The following GATAD2A variants were observed in gnomAD, a reference collection of about 807,000 sequenced individuals.
GATAD2A encodes GATA zinc finger domain containing 2A.
A neutral mutation model predicts 68.5 loss-of-function variants in GATAD2A; 12 were observed. The observed-to-expected ratio is 0.18, with a 90% CI of 0.11 to 0.28. The LOEUF is 0.28. GATAD2A is among the 10% of genes least tolerant of loss of function. The pLI is 1.00. For missense variants in GATAD2A, 755 were observed against 868.5 expected (o/e 0.87, Z 1.64); for synonymous variants, 410 against 375.3 (o/e 1.09, Z -1.07).
At position 19,437,948 on chromosome 19, in the gene GATAD2A, A is replaced by G. The variant is rs150835351; in HGVS notation, c.-6-27392A>G. Among the ~76,000 whole-genome samples, 101 of 152,314 alleles carry G rather than the reference A, an allele frequency of 6.6e-4. 1 individual carries two copies. Among genetic ancestry groups the G allele is most frequent in the African/African-American group, 2.3e-3 (95 of 41,562 alleles). On this transcript the variant is annotated intron_variant, in intron 1 of 11. Coordinates refer to ENST00000683918, the MANE Select transcript of GATAD2A (RefSeq NM_001384528.1). Reference sequence around the variant, plus strand: ...CTTCTTAGTATATACTTAGGGGTGCAGTTACTGGATCATATGGTAACTTTC... The same window carrying G: ...CTTCTTAGTATATACTTAGGGGTGCGGTTACTGGATCATATGGTAACTTTC...
chr19:19,464,888 GC>G (rs1383187062), intron 1 of GATAD2A: 4 of 233,784 alleles, frequency 1.7e-5, no homozygotes, highest in Non-Finnish European at 3.4e-5. Flanking sequence ...CTAGTCCCAG[GC>G]CCCGACCCTG....
At chr19:19,406,258 C>T (rs1320367010) in intron 1 of GATAD2A, among the ~76,000 whole-genome samples, 5 of 138,512 alleles carry the variant, frequency 3.6e-5, no homozygotes, top group Non-Finnish European at 6.2e-5. Context: ...GCGGGGGTCC[C>T]GGAAAGTCGC....
At position 19,451,337 on chromosome 19, in the gene GATAD2A, C is replaced by T. The variant is rs535726332; in HGVS notation, c.-6-14003C>T. ...CGGATATTGCAGTGAGCCGAGATCA[C>T]GCCACTGCACTCCAGCTGGATGACA... is the stretch of plus-strand genomic sequence containing the variant. On this transcript the variant is annotated intron_variant, in intron 1 of 11. Coordinates refer to ENST00000683918, the MANE Select transcript of GATAD2A (RefSeq NM_001384528.1). Among the ~76,000 whole-genome samples, 26 of 152,216 alleles carry T rather than the reference C, an allele frequency of 1.7e-4. No individual in the cohort carries two copies. The East Asian group carries it at 3.9e-3, about 23-fold the overall frequency.
At chr19:19,456,310 A>G (rs1176844368) in intron 1 of GATAD2A, among the ~76,000 whole-genome samples, 1 of 152,138 alleles carries the variant, frequency 6.6e-6, no homozygotes, top group Non-Finnish European at 1.5e-5. Context: ...GGGGTCCCGC[A>G]TGTTATGGGC....
intron 1 of GATAD2A, among the ~76,000 whole-genome samples, chr19:19,456,645 C>G (rs879278547): frequency 6.6e-6 from 1 of 152,224 alleles, no homozygotes; most frequent in Non-Finnish European, 1.5e-5. Flanking sequence ...TACAGCAGAA[C>G]TTAACCATAC....
At chr19:19,387,837 C>A (rs1179315842) in intron 1 of GATAD2A, among the ~76,000 whole-genome samples, 1 of 152,154 alleles carries the variant, frequency 6.6e-6, no homozygotes, top group African/African-American at 2.4e-5. Context: ...AGATATCCCA[C>A]TCCTGTAGGC....
At position 19,495,794 on chromosome 19, in the gene GATAD2A, C is replaced by T; in HGVS notation, c.665C>T (p.Pro222Leu). Residue 222 changes from proline to leucine, a missense_variant, in exon 6 of 12, where the codon CCC becomes CTC. Physicochemically the swap from Pro to Leu is moderately conservative, Grantham distance 98. Transcript: ENST00000683918. ...ATGCCCGGCAGTGTCATACCCCCGC[C>T]CCTGGTCCGAGGTGGGCAGCAGGCG... is the stretch of plus-strand genomic sequence containing the variant. ...ARMPGSVIPP[P>L]LVRGGQQASS... is the part of the protein sequence containing the mutation. The T allele has an allele frequency of 1.2e-6, 2 of 1,613,682 alleles. No individual in the cohort carries two copies. Among genetic ancestry groups the T allele is most frequent in the Non-Finnish European group, 1.7e-6 (2 of 1,179,772 alleles).
At chr19:19,415,425 G>A (rs1374243097) in intron 1 of GATAD2A, among the ~76,000 whole-genome samples, 1 of 151,152 alleles carries the variant, frequency 6.6e-6, no homozygotes, top group Admixed American at 6.6e-5. Context: ...AAAGCCCTGG[G>A]ATTACAGACG....
At chr19:19,421,987 A>C (rs1327576778) in intron 1 of GATAD2A, among the ~76,000 whole-genome samples, 1 of 151,914 alleles carries the variant, frequency 6.6e-6, no homozygotes, top group Admixed American at 6.6e-5. Flanking sequence ...ATGCCCAGCT[A>C]ATTTTTGTAT....
rs1404591723 is a variant in GATAD2A at position 19,465,409 on chromosome 19, G to A, written c.64G>A (p.Asp22Asn). The A allele has an allele frequency of 1.9e-6, 3 of 1,613,908 alleles. No homozygotes were observed. The highest frequency in any genetic ancestry group is 2.2e-5 in the East Asian group (1 of 44,888). ...KRALERDPTE[D>N]DVESKKIKME... ...AGCGCTTGAACGGGACCCAACAGAG[G>A]ACGATGTGGAGAGCAAGAAAATAAA... Residue 22 changes from aspartate to asparagine, a missense_variant, in exon 2 of 12, where the codon GAC becomes AAC. Physicochemically the swap from Asp to Asn is conservative, Grantham distance 23 (BLOSUM62 1). Coordinates refer to ENST00000683918, the MANE Select transcript of GATAD2A (RefSeq NM_001384528.1).
chr19:19,442,164 C>G (rs978281129), intron 1 of GATAD2A, among the ~76,000 whole-genome samples: 1 of 152,084 alleles, frequency 6.6e-6, no homozygotes, highest in Non-Finnish European at 1.5e-5. Flanking sequence ...CTGGCCAAGA[C>G]CTGAAGTACT....
At position 19,501,362 on chromosome 19, in the gene GATAD2A, C is replaced by T. The variant is rs769113431; in HGVS notation, c.1449C>T (p.Ala483=). Residue 483 remains alanine, a synonymous_variant, in exon 9 of 12, where the codon GCC becomes GCT. Transcript: ENST00000683918. ...IEQRLLQQGT[A]PAQAKAEPTA... is the part of the protein sequence containing the mutation. Reference sequence around the variant, plus strand: ...AGCGGCTCCTGCAGCAGGGCACGGCCCCTGCACAGGCCAAGGCCGAGCCCA... The same window carrying T: ...AGCGGCTCCTGCAGCAGGGCACGGCTCCTGCACAGGCCAAGGCCGAGCCCA... 6.2e-7 allele frequency: 1 copy of T among 1,611,424 alleles called. No individual in the cohort carries two copies. Among genetic ancestry groups the T allele is most frequent in the African/African-American group, 1.3e-5 (1 of 74,888 alleles).
chr19:19,415,616 A>AT (rs1491474854), intron 1 of GATAD2A, among the ~76,000 whole-genome samples: 10 of 124,400 alleles, frequency 8.0e-5, no homozygotes, highest in South Asian at 2.9e-4. Flanking sequence ...TGCCGGGCTA[A>AT]TATTTTTTTT....
At chr19:19,464,763 A>T (rs1395167830) in intron 1 of GATAD2A, 1 of 160,392 alleles carries the variant, frequency 6.2e-6, no homozygotes, top group Admixed American at 5.8e-5. Context: ...ACTGGCAACC[A>T]AAGGGTTAAA....
chr19:19,407,011 A>G (rs749956677), intron 1 of GATAD2A, among the ~76,000 whole-genome samples: 1 of 152,220 alleles, frequency 6.6e-6, no homozygotes, highest in Non-Finnish European at 1.5e-5. Context: ...CGAGTGAGTC[A>G]CTTGAGCCTT....
At chr19:19,390,645 C>G (rs962809227) in intron 1 of GATAD2A, among the ~76,000 whole-genome samples, 4 of 152,018 alleles carry the variant, frequency 2.6e-5, no homozygotes, top group African/African-American at 9.7e-5. Flanking sequence ...ATGTATTACT[C>G]TAATTAGACC....
chr19:19,485,925 TGTGA>T (rs1600256324), intron 2 of GATAD2A, among the ~76,000 whole-genome samples: 3 of 152,200 alleles, frequency 2.0e-5, no homozygotes, highest in Admixed American at 2.0e-4. Flanking sequence ...CAGAAATCCT[TGTGA>T]GTGAGTTTCC....
intron 1 of GATAD2A, among the ~76,000 whole-genome samples, chr19:19,455,232 G>A (rs916725674): frequency 6.6e-6 from 1 of 152,140 alleles, no homozygotes; most frequent in Non-Finnish European, 1.5e-5. Context: ...ACTCACACCT[G>A]TAATCCTAGC....
chr19:19,477,499 T>G (rs777210287), intron 2 of GATAD2A, among the ~76,000 whole-genome samples: 1 of 151,862 alleles, frequency 6.6e-6, no homozygotes, highest in East Asian at 1.9e-4. Flanking sequence ...GCAGGCGGTG[T>G]GGGAAGAGTG....
Sources: gnomAD v4.1 joint callset for allele counts (sites outside exome capture counted in the v4.1 genomes callset) on GRCh38, gnomAD v4.1.1 for gene constraint, MANE v1.5 for transcripts, NCBI Gene and HGNC (gene_info 2026-07-23, HGNC 2026-07-21) for gene names.